PDIA4: variants seen among roughly 807,000 people sequenced by gnomAD.
PDIA4 encodes protein disulfide-isomerase A4.
In PDIA4, 33 loss-of-function variants were observed where a neutral mutation model predicts 62.1. The ratio of observed to expected loss-of-function variants is 0.53; its 90% confidence interval spans 0.40 to 0.71. The LOEUF (loss-of-function observed/expected upper bound fraction) is 0.71, where lower values mean the gene tolerates loss of function less well. PDIA4 is among the 30% of genes least tolerant of loss of function. The probability of loss-of-function intolerance (pLI) is 0.00; values close to 1 mark genes in which losing one functional copy is unlikely to be tolerated. For synonymous variants in PDIA4, 341 were observed against 324.1 expected (o/e 1.05, Z -0.56); for missense variants, 804 against 813.6 (o/e 0.99, Z 0.14).
At chr7:149,020,207 C>T (rs1376334002) in intron 2 of PDIA4, among the ~76,000 whole-genome samples, 1 of 152,142 alleles carries the variant, frequency 6.6e-6, no homozygotes, top group Non-Finnish European at 1.5e-5. Flanking sequence ...GTGATCTGCC[C>T]GCCTTGGCCT....
chr7:149,017,639 T>TAAATACATTTTATCAAAATA lies in PDIA4; in HGVS notation c.475+1333_475+1352dup, dbSNP rs1270814090. 3.4e-3 allele frequency among the ~76,000 whole-genome samples: 506 copies of TAAATACATTTTATCAAAATA among 148,582 alleles called. 2 individuals carry two copies. Among genetic ancestry groups the TAAATACATTTTATCAAAATA allele is most frequent in the Middle Eastern group, 0.01 (3 of 286 alleles). ...ATTAAATATTTTATCAAAATAAAAT[T>TAAATACATTTTATCAAAATA]AAATACATTTTATCAAAATAAAATA... is the stretch of plus-strand genomic sequence containing the variant. On this transcript the variant is annotated intron_variant, in intron 3 of 9. Coordinates refer to ENST00000652332, the MANE Select transcript of PDIA4 (RefSeq NM_004911.5).
intron 1 of PDIA4, among the ~76,000 whole-genome samples, chr7:149,024,014 A>G (rs1824448843): frequency 6.6e-6 from 1 of 152,184 alleles, no homozygotes; most frequent in Non-Finnish European, 1.5e-5. Context: ...TGGGAGGCCA[A>G]AGAGGGTGGA....
intron 2 of PDIA4, among the ~76,000 whole-genome samples, chr7:149,019,534 G>A (rs1314552651): frequency 6.6e-6 from 1 of 152,218 alleles, no homozygotes; most frequent in African/African-American, 2.4e-5. Flanking sequence ...AGCCTGGGCA[G>A]TATGGCGAAA....
rs1208068701 is a variant in PDIA4 at position 149,021,128 on chromosome 7, A to AT, written c.107dup (p.Asn36LysfsTer4). 1 of 1,596,406 alleles carries AT rather than the reference A, an allele frequency of 6.3e-7. No homozygotes were observed. The highest frequency in any genetic ancestry group is 1.3e-5 in the African/African-American group (1 of 74,282). On this transcript the variant is annotated frameshift_variant, in exon 2 of 10. Coordinates refer to ENST00000652332, the MANE Select transcript of PDIA4 (RefSeq NM_004911.5). LOFTEE classifies it high-confidence loss of function. The stretch of plus-strand genomic sequence containing the variant: ...CCTCCTCCTCTTCATCCTCAATGGC[A>AT]TTTTCTCTGTTAGAAGAATCTGAGT...
intron 4 of PDIA4, among the ~76,000 whole-genome samples, chr7:149,012,777 G>A (rs1226635612): frequency 5.9e-5 from 9 of 152,164 alleles, no homozygotes; most frequent in African/African-American, 2.2e-4. Flanking sequence ...AAGGGACAGC[G>A]AGGAATTAGC....
chr7:149,026,346 C>CA (rs901285801), intron 1 of PDIA4, among the ~76,000 whole-genome samples: 16 of 151,178 alleles, frequency 1.1e-4, no homozygotes, highest in African/African-American at 3.9e-4. Context: ...CCATCTCTAC[C>CA]AAAAAAAGAA....
chr7:149,028,021 C>CA (rs1213913728), intron 1 of PDIA4: 2 of 600,164 alleles, frequency 3.3e-6, no homozygotes, highest in South Asian at 1.5e-5. Flanking sequence ...GACCCAGCTG[C>CA]AAAAAAGGCG....
chr7:149,022,400 T>C (rs1824383463), intron 1 of PDIA4, among the ~76,000 whole-genome samples: 1 of 152,084 alleles, frequency 6.6e-6, no homozygotes, highest in South Asian at 2.1e-4. Context: ...ACTTATTTTA[T>C]TTTATTTTTT....
intron 3 of PDIA4, among the ~76,000 whole-genome samples, chr7:149,017,440 C>G (rs1396025696): frequency 6.6e-6 from 1 of 152,006 alleles, no homozygotes; most frequent in South Asian, 2.1e-4. Flanking sequence ...AAAAATTAGC[C>G]GGGCGTGGTG....
chr7:149,024,905 T>C (rs1824492632), intron 1 of PDIA4, among the ~76,000 whole-genome samples: 1 of 146,898 alleles, frequency 6.8e-6, no homozygotes, highest in South Asian at 2.1e-4. Flanking sequence ...CAAGCGGATC[T>C]CCTGAGGTCG....
intron 3 of PDIA4, among the ~76,000 whole-genome samples, chr7:149,017,324 C>T (rs540006507): frequency 2.0e-5 from 3 of 152,282 alleles, no homozygotes; most frequent in African/African-American, 7.2e-5. Flanking sequence ...TGGCTCACGC[C>T]TATAATTCCA....
At chr7:149,010,531 G>A (rs1050419358) in intron 6 of PDIA4, among the ~76,000 whole-genome samples, 12 of 152,092 alleles carry the variant, frequency 7.9e-5, no homozygotes, top group African/African-American at 2.9e-4. Flanking sequence ...TCTAGATGGC[G>A]CCTGTTTTAA....
intron 1 of PDIA4, among the ~76,000 whole-genome samples, chr7:149,024,770 C>T (rs368477737): frequency 4.9e-5 from 7 of 141,720 alleles, no homozygotes; most frequent in Non-Finnish European, 7.5e-5. Context: ...GAGCTGAGAT[C>T]GCACCACTGC....
chr7:149,021,878 C>T (rs986569775), intron 1 of PDIA4, among the ~76,000 whole-genome samples: 9 of 152,114 alleles, frequency 5.9e-5, no homozygotes, highest in Non-Finnish European at 1.2e-4. Flanking sequence ...TCCTGTAGCT[C>T]GGGCTCCCCT....
intron 1 of PDIA4, 26 bp downstream of exon 1, chr7:149,028,295 C>G (rs1311694419): frequency 2.0e-6 from 3 of 1,498,048 alleles, no homozygotes; most frequent in African/African-American, 2.9e-5. Flanking sequence ...AAGCACAGCC[C>G]GACCCGCGGC....
At chr7:149,019,239 C>T (rs1305323105) in intron 2 of PDIA4, 42 bp from the exon 3 acceptor site, 1 of 1,363,254 alleles carries the variant, frequency 7.3e-7, no homozygotes, top group Non-Finnish European at 1.1e-6. Context: ...TTAACTGTAC[C>T]TATGGGATTT....
At position 149,028,427 on chromosome 7, in the gene PDIA4, CG is replaced by C. The variant is rs1824637751; in HGVS notation, c.-20del. 6.8e-7 allele frequency: 1 copy of C among 1,467,294 alleles called. No homozygotes were observed. The highest frequency in any genetic ancestry group is 9.0e-7 in the Non-Finnish European group (1 of 1,106,146). The allele number at this position is 1,467,294 out of a possible 1,614,324, so 90.9% of individuals were successfully genotyped here. ...GCCTCATGGTAGCGGGGGCGGAGCGCGGCCTCCTAGCGTCGGCGGCCGCTGA... is the reference window on the plus strand; with the variant it reads ...GCCTCATGGTAGCGGGGGCGGAGCGCGCCTCCTAGCGTCGGCGGCCGCTGA... On this transcript the variant is annotated 5_prime_UTR_variant, in exon 1 of 10. Transcript: ENST00000652332.
At chr7:149,020,107 C>T (rs1476109365) in intron 2 of PDIA4, among the ~76,000 whole-genome samples, 1 of 152,046 alleles carries the variant, frequency 6.6e-6, no homozygotes, top group Non-Finnish European at 1.5e-5. Flanking sequence ...ACTACAGGTG[C>T]GTGCCAACCA....
intron 3 of PDIA4, among the ~76,000 whole-genome samples, chr7:149,015,988 CACA>C (rs1824124246): frequency 6.6e-6 from 1 of 152,348 alleles, no homozygotes; most frequent in African/African-American, 2.4e-5. Context: ...CTGTTTACTT[CACA>C]ACAATAGAAG....
Sources: allele counts gnomAD v4.1 joint callset (sites outside exome capture counted in the v4.1 genomes callset), GRCh38; gene constraint gnomAD v4.1.1; transcripts MANE v1.5; gene names NCBI Gene and HGNC (gene_info 2026-07-23, HGNC 2026-07-21).